ARHGAP12: variants seen among roughly 807,000 people sequenced by gnomAD.
The protein encoded by ARHGAP12 is rho GTPase-activating protein 12.
Under a neutral mutation model 108.6 loss-of-function variants are expected in ARHGAP12, and 64 were observed. The observed-to-expected ratio is 0.59, with a 90% CI of 0.48 to 0.73. The LOEUF (loss-of-function observed/expected upper bound fraction) is 0.73. ARHGAP12 is among the 30% of genes least tolerant of loss of function. The probability of loss-of-function intolerance (pLI) is 0.00; values close to 1 mark genes in which losing one functional copy is unlikely to be tolerated. For missense variants in ARHGAP12, 940 were observed against 1,005.9 expected (o/e 0.93, Z 0.89); for synonymous variants, 312 against 337.2 (o/e 0.93, Z 0.82).
chr10:31,847,411 T>C (rs1836503923), intron 6 of ARHGAP12, among the ~76,000 whole-genome samples: 1 of 152,222 alleles, frequency 6.6e-6, no homozygotes, highest in African/African-American at 2.4e-5. Context: ...TTTAAAAATC[T>C]TTTAATTGCT....
chr10:31,922,833 G>GA (rs1839876326), intron 1 of ARHGAP12, among the ~76,000 whole-genome samples: 1 of 151,836 alleles, frequency 6.6e-6, no homozygotes, highest in Non-Finnish European at 1.5e-5. Flanking sequence ...TTATAAAAAA[G>GA]AAAAAAATCA....
intron 3 of ARHGAP12, among the ~76,000 whole-genome samples, chr10:31,900,735 C>T (rs1442077388): frequency 6.6e-6 from 1 of 152,188 alleles, no homozygotes; most frequent in Non-Finnish European, 1.5e-5. Flanking sequence ...GTAGTAATTA[C>T]ATCCTGTATG....
intron 3 of ARHGAP12, among the ~76,000 whole-genome samples, chr10:31,863,766 CATAG>C (rs1360107274): frequency 1.3e-5 from 2 of 152,026 alleles, no homozygotes. Flanking sequence ...TCTTTAGATT[CATAG>C]ATAAACACGA....
chr10:31,880,428 G>A (rs960498633), intron 3 of ARHGAP12, among the ~76,000 whole-genome samples: 1 of 152,012 alleles, frequency 6.6e-6, no homozygotes, highest in African/African-American at 2.4e-5. Context: ...AGACAACACA[G>A]TGAAACCCCA....
chr10:31,867,469 C>A (rs960069056), intron 3 of ARHGAP12, among the ~76,000 whole-genome samples: 1 of 152,114 alleles, frequency 6.6e-6, no homozygotes, highest in African/African-American at 2.4e-5. Context: ...GCATAAAATA[C>A]CAAACTAATT....
intron 3 of ARHGAP12, among the ~76,000 whole-genome samples, chr10:31,902,260 G>A (rs899368625): frequency 6.0e-5 from 9 of 149,462 alleles, no homozygotes; most frequent in Non-Finnish European, 1.0e-4. Context: ...AACCAAGGTA[G>A]AAGACAATTT....
intron 1 of ARHGAP12, among the ~76,000 whole-genome samples, chr10:31,928,186 A>G (rs1001237166): frequency 1.6e-4 from 25 of 151,714 alleles, no homozygotes; most frequent in Non-Finnish European, 3.1e-4. Context: ...ACACACACAC[A>G]CACACACACA....
chr10:31,831,312 A>G (rs1428522450), intron 10 of ARHGAP12, among the ~76,000 whole-genome samples: 1 of 152,240 alleles, frequency 6.6e-6, no homozygotes, highest in Non-Finnish European at 1.5e-5. Context: ...TAATCTCTAT[A>G]CATACAAACA....
intron 3 of ARHGAP12, among the ~76,000 whole-genome samples, chr10:31,867,909 A>G (rs569829879): frequency 6.6e-6 from 1 of 152,266 alleles, no homozygotes; most frequent in Admixed American, 6.5e-5. Flanking sequence ...TTTAAAAAAA[A>G]AAAAATCTGG....
chr10:31,839,454 CA>C, intron 8 of ARHGAP12, 135 bp from the exon 9 acceptor site: 1 of 1,096,236 alleles, frequency 9.1e-7, no homozygotes, highest in Non-Finnish European at 1.3e-6. Context: ...ATATTTTAAA[CA>C]AAAGGGGGAC....
At chr10:31,912,715 G>A (rs1467173874) in intron 1 of ARHGAP12, among the ~76,000 whole-genome samples, 1 of 152,160 alleles carries the variant, frequency 6.6e-6, no homozygotes, top group African/African-American at 2.4e-5. Flanking sequence ...TAGAAAGTAA[G>A]AGCTGAGATA....
intron 4 of ARHGAP12, among the ~76,000 whole-genome samples, chr10:31,856,499 T>A (rs147733359): frequency 5.3e-5 from 8 of 152,132 alleles, no homozygotes; most frequent in African/African-American, 1.9e-4. Flanking sequence ...AGGAACATCA[T>A]AGAAATTTAC....
chr10:31,817,739 AAAG>A (rs778486699), intron 13 of ARHGAP12, 46 bp downstream of exon 13: 14 of 1,324,402 alleles, frequency 1.1e-5, no homozygotes, highest in Non-Finnish European at 1.4e-5. Flanking sequence ...TAAAAAAAAA[AAAG>A]AAAAACAGCT....
chr10:31,815,120 CAAAAA>C (rs57510581), intron 13 of ARHGAP12, among the ~76,000 whole-genome samples: 2 of 111,946 alleles, frequency 1.8e-5, no homozygotes, highest in Non-Finnish European at 1.8e-5. Context: ...GACTCTGTCT[CAAAAA>C]AAAAAAAAAA....
At chr10:31,834,091 T>C (rs1301180205) in intron 9 of ARHGAP12, among the ~76,000 whole-genome samples, 1 of 152,132 alleles carries the variant, frequency 6.6e-6, no homozygotes, top group Non-Finnish European at 1.5e-5. Flanking sequence ...AGAGCAAAGA[T>C]CTTGGGGAAA....
chr10:31,909,691 T>G (rs534734081), intron 2 of ARHGAP12, among the ~76,000 whole-genome samples: 108 of 152,254 alleles, frequency 7.1e-4, no homozygotes, highest in South Asian at 2.5e-3. Flanking sequence ...AGCCCAGGAA[T>G]TTGAGAGCAG....
At position 31,825,603 on chromosome 10, in the gene ARHGAP12, C is replaced by T. The variant is rs146391664; in HGVS notation, c.1530+701G>A. On this transcript the variant is annotated intron_variant, in intron 11 of 19. Transcript: ENST00000344936. ...TTATACCTCATTTTCTCATCTATGA[C>T]GGGGGAAGGGCGAAATCAGAGCAAT... is the stretch of plus-strand genomic sequence containing the variant. Among the ~76,000 whole-genome samples the T allele has an allele frequency of 6.6e-4, 101 of 152,070 alleles. 2 individuals carry two copies. In the East Asian group the frequency reaches 0.017, roughly 26 times the overall value.
chr10:31,891,614 TTGAA>T (rs35336095), intron 3 of ARHGAP12, among the ~76,000 whole-genome samples: 65,873 of 151,562 alleles, frequency 0.43, 14,826 homozygotes, highest in Non-Finnish European at 0.5. Flanking sequence ...TTTCCTGAAT[TTGAA>T]TGTTGGCCTG....
chr10:31,837,318 T>C (rs1836063477), intron 9 of ARHGAP12, among the ~76,000 whole-genome samples: 1 of 152,224 alleles, frequency 6.6e-6, no homozygotes, highest in African/African-American at 2.4e-5. Context: ...ACCAAAATAA[T>C]GTTCACTTTT....
Sources: gnomAD v4.1 joint callset for allele counts (sites outside exome capture counted in the v4.1 genomes callset) on GRCh38, gnomAD v4.1.1 for gene constraint, MANE v1.5 for transcripts, NCBI Gene and HGNC (gene_info 2026-07-23, HGNC 2026-07-21) for gene names.